Variants in ZNF2 observed in about 807,000 individuals in gnomAD.
The protein encoded by ZNF2 is zinc finger protein 2.
In ZNF2, 12 loss-of-function variants were observed where a neutral mutation model predicts 21.9. The ratio of observed to expected loss-of-function variants is 0.55; its 90% CI spans 0.35 to 0.89. The LOEUF (loss-of-function observed/expected upper bound fraction) is 0.89. Ranked by LOEUF, ZNF2 falls within the 40% of genes least tolerant of loss-of-function variation. The pLI is 0.01. For missense variants in ZNF2, 462 were observed against 544.2 expected (o/e 0.85, Z 1.50); for synonymous variants, 186 against 196.3 (o/e 0.95, Z 0.44).
Position 95,181,238 on chromosome 2 carries a change from A to G in ZNF2, c.410A>G (p.Glu137Gly), listed in dbSNP as rs778641035. Reference protein sequence around the residue: ...VHTPNGRMGTEKQSPSGETRK... With the variant: ...VHTPNGRMGTGKQSPSGETRK... ...ACACCCAATGGCAGGATGGGAACAG[A>G]AAAGCAAAGCCCTTCAGGGGAGACT... Residue 137 changes from glutamate (E) to glycine (G), a missense_variant, in exon 5 of 5, where the codon GAA (glutamate) becomes GGA (glycine). Coordinates refer to ENST00000614034, the MANE Select transcript of ZNF2 (RefSeq NM_021088.4). 3 of 1,614,090 alleles carry G rather than the reference A, an allele frequency of 1.9e-6. No homozygotes were observed. The highest frequency in any genetic ancestry group is 2.7e-5 in the African/African-American group (2 of 74,934).
chr2:95,170,287 A>G (rs1247630768), intron 1 of ZNF2, among the ~76,000 whole-genome samples: 1 of 152,172 alleles, frequency 6.6e-6, no homozygotes, highest in Admixed American at 6.5e-5. Context: ...TCAAACCCTA[A>G]TCTCTCCCCG....
rs1674584947 is a variant in ZNF2, at chr2:95,180,069, A to T, written c.161-90A>T. ...GAGATGCTGTCTCAACAACAACAAA[A>T]AAATCTTAGAGGCTGGGATTGAGCT... is the stretch of plus-strand genomic sequence containing the variant. On this transcript the variant is annotated intron_variant, in intron 3 of 4. Transcript: ENST00000614034. The T allele has an allele frequency of 1.2e-5, 11 of 934,266 alleles. No individual in the cohort carries two copies. In the South Asian group the frequency reaches 1.6e-4, roughly 14 times the overall value. The allele number at this position is 934,266 out of a possible 1,614,324, so 57.9% of individuals were successfully genotyped here.
intron 1 of ZNF2, among the ~76,000 whole-genome samples, chr2:95,167,177 G>C (rs1374461297): frequency 2.0e-5 from 3 of 152,194 alleles, no homozygotes; most frequent in African/African-American, 7.2e-5. Context: ...TGAATAAGCA[G>C]AAGCTTGTCC....
intron 4 of ZNF2, among the ~76,000 whole-genome samples, chr2:95,180,511 CTTT>C (rs1165637913): frequency 2.9e-5 from 4 of 139,338 alleles, no homozygotes; most frequent in Admixed American, 7.2e-5. Flanking sequence ...TTTGCTATTT[CTTT>C]TTTTTTTTTT....
intron 4 of ZNF2, 114 bp from the exon 5 acceptor site, chr2:95,180,989 G>A: frequency 1.5e-6 from 2 of 1,294,928 alleles, no homozygotes; most frequent in South Asian, 2.9e-5. Flanking sequence ...ACTATCTATG[G>A]GAGCAAGCAA....
chr2:95,173,786 G>T (rs1674356308), intron 1 of ZNF2, among the ~76,000 whole-genome samples: 1 of 152,224 alleles, frequency 6.6e-6, no homozygotes, highest in South Asian at 2.1e-4. Context: ...TTGGCTCACT[G>T]CAACCTCCGC....
chr2:95,183,866 C>A lies in ZNF2; in HGVS notation c.*1760C>A, dbSNP rs1459912204. 1 of 151,964 alleles carries A rather than the reference C, an allele frequency of 6.6e-6. No homozygotes were observed. The highest frequency in any genetic ancestry group is 1.5e-5 in the Non-Finnish European group (1 of 68,018). The allele number at this position is 151,964 out of a possible 1,614,324, so 9.4% of individuals were successfully genotyped here. A position where few individuals can be genotyped will look rare whatever the true frequency, so the allele number is the denominator to read the frequency against. On this transcript the variant is annotated 3_prime_UTR_variant, in exon 5 of 5. Coordinates refer to ENST00000614034, the MANE Select transcript of ZNF2 (RefSeq NM_021088.4). ...CAATCTCCTGACCTCGTGATCCGCCCGCCTCGGCCTCCCAAAGTGCTGGGA... is the reference window on the plus strand; with the variant it reads ...CAATCTCCTGACCTCGTGATCCGCCAGCCTCGGCCTCCCAAAGTGCTGGGA...
rs1254207494 is a variant in ZNF2 at position 95,181,804 on chromosome 2, T to C, written c.976T>C (p.Ser326Pro). The change falls in exon 5 of 5, where the codon TCG (serine) becomes CCG (proline). Residue 326 changes from serine to proline, a missense_variant. Coordinates refer to ENST00000614034, the MANE Select transcript of ZNF2 (RefSeq NM_021088.4). ...GTGCGGGAAAGCTTTCTATGGTGTCTCGTCTCTGAATAGACATCAGAAAGC... is the reference window on the plus strand; with the variant it reads ...GTGCGGGAAAGCTTTCTATGGTGTCCCGTCTCTGAATAGACATCAGAAAGC... ...NECGKAFYGV[S>P]SLNRHQKAHA... 6.2e-7 allele frequency: 1 copy of C among 1,614,224 alleles called. No homozygotes were observed. Among genetic ancestry groups the C allele is most frequent in the South Asian group, 1.1e-5 (1 of 91,088 alleles).
rs1666509897 is a variant in ZNF2 at position 95,183,460 on chromosome 2, C to T, written c.*1354C>T. ...TTAAGCCAGTCTTTGCAAATGACCC[C>T]TTCCTGCCCATCACTGCCTTCCTCA... On this transcript the variant is annotated 3_prime_UTR_variant, in exon 5 of 5. Coordinates refer to ENST00000614034, the MANE Select transcript of ZNF2 (RefSeq NM_021088.4). 2 of 152,132 alleles carry T rather than the reference C, an allele frequency of 1.3e-5. No individual in the cohort carries two copies. Among genetic ancestry groups the T allele is most frequent in the Non-Finnish European group, 2.9e-5 (2 of 68,042 alleles). The allele number at this position is 152,132 out of a possible 1,614,324, so 9.4% of individuals were successfully genotyped here.
chr2:95,171,224 A>G (rs1040342240), intron 1 of ZNF2, among the ~76,000 whole-genome samples: 1 of 151,968 alleles, frequency 6.6e-6, no homozygotes, highest in African/African-American at 2.4e-5. Context: ...GAATGTCCAA[A>G]ACTGTACTCA....
intron 3 of ZNF2, among the ~76,000 whole-genome samples, chr2:95,178,799 A>G (rs1382014812): frequency 1.3e-5 from 2 of 152,216 alleles, no homozygotes; most frequent in African/African-American, 4.8e-5. Flanking sequence ...AACGTTAAAA[A>G]TGGTCTAAAT....
At chr2:95,174,761 G>A (rs1023620549) in intron 1 of ZNF2, among the ~76,000 whole-genome samples, 2 of 152,150 alleles carry the variant, frequency 1.3e-5, no homozygotes, top group African/African-American at 4.8e-5. Context: ...TCATTTACTT[G>A]TTTGTTCTCT....
chr2:95,175,156 T>C lies in ZNF2; in HGVS notation c.-39-1032T>C, dbSNP rs183900756. 2.3e-3 allele frequency among the ~76,000 whole-genome samples: 345 copies of C among 152,268 alleles called. 2 individuals are homozygous for C. Among genetic ancestry groups the C allele is most frequent in the African/African-American group, 7.9e-3 (327 of 41,570 alleles). On this transcript the variant is annotated intron_variant, in intron 1 of 4. Coordinates refer to ENST00000614034, the MANE Select transcript of ZNF2 (RefSeq NM_021088.4). ...TCCCAAAGTGCTGGGATTACAGACA[T>C]GTGCCACCGTGCCTGGTCTGTTGTT...
In ZNF2 at chr2:95,169,036, G is replaced by A. The variant is rs564866813; in HGVS notation, c.-40+3176G>A. ...AGTGATACTCTGAGATGCAGGGATA[G>A]GAAAAGAGAACACAGAAGTGGAGGT... On this transcript the variant is annotated intron_variant, in intron 1 of 4. Transcript: ENST00000614034. Among the ~76,000 whole-genome samples the A allele has an allele frequency of 2.2e-4, 33 of 152,340 alleles. No homozygotes were observed. The South Asian group carries it at 6.0e-3, about 28-fold the overall frequency.
rs1169931737 is a variant in ZNF2, at chr2:95,182,957, TTA to T, written c.*855_*856del. ...TTGCTAATAGGTGCTCAATAAATAT[TTA>T]TATGAGTGAATGACTTTTCTACTTA... On this transcript the variant is annotated 3_prime_UTR_variant, in exon 5 of 5. Transcript: ENST00000614034. 6.6e-6 allele frequency: 1 copy of T among 152,192 alleles called. No individual in the cohort carries two copies. The highest frequency in any genetic ancestry group is 1.5e-5 in the Non-Finnish European group (1 of 68,042). The allele number at this position is 152,192 out of a possible 1,614,324, so 9.4% of individuals were successfully genotyped here.
At chr2:95,168,420 G>A (rs566673560) in intron 1 of ZNF2, among the ~76,000 whole-genome samples, 22 of 123,074 alleles carry the variant, frequency 1.8e-4, no homozygotes, top group Non-Finnish European at 3.0e-4. Context: ...GCCAGACTCC[G>A]TCTCAAAAAA....
chr2:95,180,139 GT>G lies in ZNF2; in HGVS notation c.161-17del, dbSNP rs1228735395. On this transcript the variant is annotated intron_variant, in intron 3 of 4. Coordinates refer to ENST00000614034, the MANE Select transcript of ZNF2 (RefSeq NM_021088.4). ...TTCATCACACACAGCCACCTGCTTTGTTTCTTTCTCTTTGAGCAGGCCTTCC... is the reference window on the plus strand; with the variant it reads ...TTCATCACACACAGCCACCTGCTTTGTTCTTTCTCTTTGAGCAGGCCTTCC... 6 of 1,553,862 alleles carry G rather than the reference GT, an allele frequency of 3.9e-6. No individual in the cohort carries two copies. In the African/African-American group the frequency reaches 8.2e-5, roughly 21 times the overall value.
rs750842119 is a variant in ZNF2, at chr2:95,181,797, T to C, written c.969T>C (p.Tyr323=). 10 of 1,614,220 alleles carry C rather than the reference T, an allele frequency of 6.2e-6. No individual in the cohort carries two copies. Among genetic ancestry groups the C allele is most frequent in the Admixed American group, 1.7e-5 (1 of 60,028 alleles). ...YECNECGKAF[Y]GVSSLNRHQK... is the part of the protein sequence containing the mutation. ...GTAACGAGTGCGGGAAAGCTTTCTA[T>C]GGTGTCTCGTCTCTGAATAGACATC... Residue 323 remains tyrosine (Y), a synonymous_variant, in exon 5 of 5, where the codon TAT becomes TAC. Coordinates refer to ENST00000614034, the MANE Select transcript of ZNF2 (RefSeq NM_021088.4).
intron 1 of ZNF2, among the ~76,000 whole-genome samples, chr2:95,167,565 A>T (rs1674121328): frequency 6.6e-6 from 1 of 151,070 alleles, no homozygotes; most frequent in Admixed American, 6.6e-5. Context: ...ATGCATTGGT[A>T]GGCCAGGTGC....
Sources: gnomAD v4.1 joint callset for allele counts (sites outside exome capture counted in the v4.1 genomes callset) on GRCh38, gnomAD v4.1.1 for gene constraint, MANE v1.5 for transcripts, NCBI Gene and HGNC (gene_info 2026-07-23, HGNC 2026-07-21) for gene names.